FHAD1: variants seen among roughly 807,000 people sequenced by gnomAD.
FHAD1 encodes forkhead associated phosphopeptide binding domain 1.
FHAD1 carries 146 observed loss-of-function variants against 191.3 expected under a neutral mutation model. The observed-to-expected ratio is 0.76, with a 90% confidence interval of 0.67 to 0.88. FHAD1 has a LOEUF of 0.88. Among genes scored for constraint, FHAD1 ranks in the 40% least tolerant of loss-of-function variants. The pLI is 0.00. For synonymous variants in FHAD1, 616 were observed against 672.3 expected, an observed-to-expected ratio of 0.92 and a Z score of 1.29; for missense variants, 1,635 against 1,785.8, an observed-to-expected ratio of 0.92 and a Z score of 1.52.
chr1:15,321,915 C>CA (rs1191145443), intron 10 of FHAD1, among the ~76,000 whole-genome samples: 1 of 152,218 alleles, frequency 6.6e-6, no homozygotes, highest in Non-Finnish European at 1.5e-5. Flanking sequence ...TCTGCACTGG[C>CA]AATTGTTTTC....
chr1:15,275,048 A>C (rs1006802709), intron 3 of FHAD1, among the ~76,000 whole-genome samples: 20 of 151,742 alleles, frequency 1.3e-4, no homozygotes, highest in South Asian at 2.1e-4. Context: ...CTGCAAGCTC[A>C]GCCTCCCGGG....
At chr1:15,272,580 C>T in intron 3 of FHAD1, 51 bp downstream of exon 3, 1 of 1,493,926 alleles carries the variant, frequency 6.7e-7, no homozygotes, top group Admixed American at 2.0e-5. Flanking sequence ...TTCGTGCAGC[C>T]CGGCGCTCGG....
chr1:15,247,215 C>T (rs1752018), upstream of FHAD1: 1 of 163,058 alleles, frequency 6.1e-6, no homozygotes, highest in Non-Finnish European at 1.4e-5. Context: ...CCCGCGGCGC[C>T]TGGCGGCGTT....
Position 15,349,042 on chromosome 1 carries a change from G to A in FHAD1, c.2347G>A (p.Val783Ile), listed in dbSNP as rs1420740467. ...AAGAGCACTGGTCGTTGATTTTCAGGTTTTGGAGAGCAGCATAGCCCATGA... is the reference window on the plus strand; with the variant it reads ...AAGAGCACTGGTCGTTGATTTTCAGATTTTGGAGAGCAGCATAGCCCATGA... The part of the protein sequence containing the change: ...LEERLARQKE[V>I]LESSIAHEKR... The change falls in exon 19 of 34, where the codon GTT becomes ATT. Residue 783 changes from valine to isoleucine, a missense_variant and splice_region_variant. By Grantham distance (29) the Val-to-Ile change is conservative (BLOSUM62 3). Transcript: ENST00000688493. The A allele has an allele frequency of 5.8e-6, 9 of 1,550,696 alleles. No individual in the cohort carries two copies. Among genetic ancestry groups the A allele is most frequent in the Non-Finnish European group, 7.9e-6 (9 of 1,146,494 alleles).
At chr1:15,343,348 C>T (rs1374118448) in intron 16 of FHAD1, among the ~76,000 whole-genome samples, 1 of 151,906 alleles carries the variant, frequency 6.6e-6, no homozygotes, top group East Asian at 1.9e-4. Flanking sequence ...GCATGCTGCC[C>T]CTCCTCACAG....
intron 23 of FHAD1, chr1:15,363,650 TG>T (rs745896862): frequency 4.8e-6 from 2 of 415,204 alleles, no homozygotes; most frequent in Admixed American, 2.8e-5. Context: ...GACCACTTGG[TG>T]GGGCGGGGCC....
At chr1:15,265,182 C>T (rs902745199) in intron 2 of FHAD1, among the ~76,000 whole-genome samples, 15 of 152,122 alleles carry the variant, frequency 9.9e-5, no homozygotes, top group Admixed American at 7.9e-4. Context: ...TCTCTTACTT[C>T]GCCTTTTGAG....
chr1:15,328,137 A>C (rs1262853307), intron 12 of FHAD1, 140 bp from the exon 13 acceptor site: 6 of 528,952 alleles, frequency 1.1e-5, no homozygotes, highest in Non-Finnish European at 1.9e-5. Context: ...TCACCAAGAC[A>C]TATCAGGACC....
intron 3 of FHAD1, among the ~76,000 whole-genome samples, chr1:15,278,522 G>GGA (rs1050364574): frequency 7.7e-6 from 1 of 129,540 alleles, no homozygotes; most frequent in African/African-American, 3.0e-5. Context: ...TGCTTAGGCT[G>GGA]GAGTGCAGTG....
At chr1:15,349,238 G>A in intron 19 of FHAD1, 89 bp downstream of exon 19, 1 of 1,006,820 alleles carries the variant, frequency 9.9e-7, no homozygotes, top group Non-Finnish European at 1.5e-6. Flanking sequence ...GCAGATATCA[G>A]AGCCATGCCT....
chr1:15,338,449 G>T (rs1685160698), intron 14 of FHAD1, among the ~76,000 whole-genome samples: 1 of 152,140 alleles, frequency 6.6e-6, no homozygotes, highest in South Asian at 2.1e-4. Flanking sequence ...GCCTCCGTCT[G>T]TCTCCTTATA....
intron 8 of FHAD1, among the ~76,000 whole-genome samples, chr1:15,314,061 AAATAATAAT>A (rs59696318): frequency 0.091 from 13,268 of 146,302 alleles, 806 homozygotes; most frequent in African/African-American, 0.17. Context: ...ACTCCGTCTC[AAATAATAAT>A]AATAATAATA....
chr1:15,389,996 G>A (rs776228682), intron 32 of FHAD1, among the ~76,000 whole-genome samples: 32 of 152,202 alleles, frequency 2.1e-4, no homozygotes, highest in Non-Finnish European at 4.0e-4. Flanking sequence ...GCGGCCCTGA[G>A]GCAGACGTCA....
chr1:15,289,389 G>A lies in FHAD1; in HGVS notation c.301-10G>A. 6.4e-7 allele frequency: 1 copy of A among 1,550,532 alleles called. No individual in the cohort carries two copies. The highest frequency in any genetic ancestry group is 8.7e-7 in the Non-Finnish European group (1 of 1,146,428). On this transcript the variant is annotated splice_polypyrimidine_tract_variant and intron_variant, in intron 3 of 33. Coordinates refer to ENST00000688493, the MANE Select transcript of FHAD1 (RefSeq NM_001391957.1). This position sits in a 1 kb window ranked among gnomAD's most constrained non-coding sequence, Gnocchi z 4.2. Reference sequence around the variant, plus strand: ...TCATAACCTCCCCTGACCCTTGTCTGCCCCTGCAGGTCTCTTTCCCATGGA... The same window carrying A: ...TCATAACCTCCCCTGACCCTTGTCTACCCCTGCAGGTCTCTTTCCCATGGA...
chr1:15,380,033 G>GGAC (rs1700550068), intron 28 of FHAD1, among the ~76,000 whole-genome samples: 1 of 152,148 alleles, frequency 6.6e-6, no homozygotes, highest in Non-Finnish European at 1.5e-5. Flanking sequence ...GGAAGTGAGC[G>GGAC]TCCAGTTTCC....
In FHAD1 at chr1:15,284,411, G is replaced by A. The variant is rs1160860314; in HGVS notation, c.301-4988G>A. Among the ~76,000 whole-genome samples, 8 of 151,022 alleles carry A rather than the reference G, an allele frequency of 5.3e-5. No individual in the cohort carries two copies. In the East Asian group the frequency reaches 1.4e-3, roughly 26 times the overall value. On this transcript the variant is annotated intron_variant, in intron 3 of 33. Coordinates refer to ENST00000688493, the MANE Select transcript of FHAD1 (RefSeq NM_001391957.1). ...GGAGAATGGCATGAACCCGTGAGGCGGAGCTTGCAGTGAGCTGAGATTGCG... is the reference window on the plus strand; with the variant it reads ...GGAGAATGGCATGAACCCGTGAGGCAGAGCTTGCAGTGAGCTGAGATTGCG...
chr1:15,391,467 A>G (rs1704024082), intron 33 of FHAD1, among the ~76,000 whole-genome samples: 1 of 152,152 alleles, frequency 6.6e-6, no homozygotes, highest in African/African-American at 2.4e-5. Context: ...CACTGGGATT[A>G]CAGGAGTGAG....
At chr1:15,386,265 G>T (rs1702066529) in intron 31 of FHAD1, among the ~76,000 whole-genome samples, 1 of 152,236 alleles carries the variant, frequency 6.6e-6, no homozygotes, top group South Asian at 2.1e-4. Flanking sequence ...GGCCACTCGG[G>T]GGCGGGGGCA....
Position 15,367,554 on chromosome 1 carries a change from G to T in FHAD1, c.3246G>T (p.Lys1082Asn), listed in dbSNP as rs1271818683. 1 of 1,530,038 alleles carries T rather than the reference G, an allele frequency of 6.5e-7. No homozygotes were observed. Among genetic ancestry groups the T allele is most frequent in the South Asian group, 1.2e-5 (1 of 83,650 alleles). 94.8% of individuals were successfully genotyped at this position (1,530,038 alleles called of 1,614,324 possible). The change falls in exon 25 of 34, where the codon AAG becomes AAT. Residue 1082 changes from lysine to asparagine, a missense_variant. Lys to Asn is a moderately conservative substitution (Grantham distance 94). Coordinates refer to ENST00000688493, the MANE Select transcript of FHAD1 (RefSeq NM_001391957.1). ...AGGAGCTGAGTGTGCTCAAGGAGAA[G>T]ATGGCCCAGATGAGCAGCCTGGTAG... Reference protein sequence around the residue: ...QSKELSVLKEKMAQMSSLVEK... With the variant: ...QSKELSVLKENMAQMSSLVEK...
Sources: gnomAD v4.1 joint callset for allele counts (sites outside exome capture counted in the v4.1 genomes callset) on GRCh38, gnomAD v4.1.1 for gene constraint, Gnocchi (gnomAD v3.1) non-coding constraint, MANE v1.5 for transcripts, NCBI Gene and HGNC (gene_info 2026-07-23, HGNC 2026-07-21) for gene names.